Variants in CTBP2 observed in about 807,000 individuals in gnomAD.
CTBP2 encodes the protein C-terminal binding protein 2.
In CTBP2, 30 loss-of-function variants were observed where a neutral mutation model predicts 80.3. That is an observed-to-expected ratio of 0.37 (90% CI 0.28 to 0.51). CTBP2 has a LOEUF of 0.51. Ranked by LOEUF, CTBP2 falls within the 20% of genes least tolerant of loss-of-function variation. CTBP2 has a pLI of 0.93. For missense variants in CTBP2, 1,212 were observed against 1,375.3 expected (o/e 0.88, Z 1.88); for synonymous variants, 594 against 587.4 (o/e 1.01, Z -0.16).
At chr10:124,991,329 G>A (rs1952584085) in intron 8 of CTBP2, among the ~76,000 whole-genome samples, 1 of 152,138 alleles carries the variant, frequency 6.6e-6, no homozygotes, top group African/African-American at 2.4e-5. Context: ...CCCTTCCTCA[G>A]TGCACACATA....
chr10:125,153,836 T>A lies in CTBP2; in HGVS notation c.-206+6483A>T, dbSNP rs1860447077. On this transcript the variant is annotated intron_variant, in intron 1 of 10. Transcript: ENST00000337195. ...GTTCCATGACTCCATAATAAAGTTT[T>A]TGTTTGTCCTGGGACGGGACAGATT... Among the ~76,000 whole-genome samples the A allele has an allele frequency of 1.3e-5, 2 of 152,222 alleles. 1 individual carries two copies. Among genetic ancestry groups the A allele is most frequent in the South Asian group, 4.1e-4 (2 of 4,832 alleles).
intron 2 of CTBP2, among the ~76,000 whole-genome samples, chr10:125,096,531 C>T (rs1319101045): frequency 6.6e-6 from 1 of 152,122 alleles, no homozygotes; most frequent in East Asian, 1.9e-4. Context: ...AAACCCCCTC[C>T]CTGCCGAAAC....
chr10:124,997,977 G>A lies in CTBP2; in HGVS notation c.2172C>T (p.Gly724=), dbSNP rs1348855983. The A allele has an allele frequency of 5.0e-6, 8 of 1,612,188 alleles. No homozygotes were observed. Among genetic ancestry groups the A allele is most frequent in the Non-Finnish European group, 6.8e-6 (8 of 1,179,780 alleles). Residue 724 remains glycine, a synonymous_variant, in exon 4 of 9, where the codon GGC becomes GGT. Coordinates refer to ENST00000309035, the MANE Select transcript of CTBP2 (RefSeq NM_022802.3). ...GGTGGCACGTACCAAAGCCAATGAG[G>A]CCCAGCGTCTCCCCACGGATGCGGG... is the stretch of plus-strand genomic sequence containing the variant.
intron 2 of CTBP2, among the ~76,000 whole-genome samples, chr10:125,058,518 G>A (rs931128778): frequency 1.3e-5 from 2 of 152,166 alleles, no homozygotes; most frequent in African/African-American, 4.8e-5. Flanking sequence ...ACGGCCGGGC[G>A]CGGTGGCTTA....
At chr10:125,146,715 G>A (rs952021935) in intron 1 of CTBP2, among the ~76,000 whole-genome samples, 23 of 152,084 alleles carry the variant, frequency 1.5e-4, no homozygotes, top group Admixed American at 2.6e-4. Context: ...GCCATTTCAC[G>A]CACATGACCT....
chr10:125,085,771 G>A (rs1463763366), intron 2 of CTBP2, among the ~76,000 whole-genome samples: 1 of 152,224 alleles, frequency 6.6e-6, no homozygotes, highest in African/African-American at 2.4e-5. Flanking sequence ...TCACTCAAAT[G>A]ATCCCCTTGT....
At chr10:125,099,552 G>A (rs1257555296) in intron 2 of CTBP2, among the ~76,000 whole-genome samples, 2 of 152,266 alleles carry the variant, frequency 1.3e-5, no homozygotes, top group East Asian at 3.9e-4. Flanking sequence ...CCCTTTTCAG[G>A]GGGCAGCTTT....
At chr10:125,075,378 T>C (rs1218560350) in intron 2 of CTBP2, among the ~76,000 whole-genome samples, 7 of 152,302 alleles carry the variant, frequency 4.6e-5, no homozygotes, top group Non-Finnish European at 1.0e-4. Flanking sequence ...TCAATGCTGT[T>C]ATCGTGCGAG....
intron 1 of CTBP2, among the ~76,000 whole-genome samples, chr10:125,114,085 G>A (rs1038498817): frequency 5.3e-5 from 8 of 152,198 alleles, no homozygotes; most frequent in African/African-American, 1.9e-4. Context: ...TTCACCAGGG[G>A]ATATTTTCTT....
chr10:125,062,273 T>TGTTA (rs1465499572), intron 2 of CTBP2, among the ~76,000 whole-genome samples: 1 of 152,186 alleles, frequency 6.6e-6, no homozygotes, highest in Non-Finnish European at 1.5e-5. Flanking sequence ...ACTCAGCAAA[T>TGTTA]GTTAGTCCTT....
At chr10:125,024,769 TGA>T (rs773387041) in intron 1 of CTBP2, among the ~76,000 whole-genome samples, 6 of 152,244 alleles carry the variant, frequency 3.9e-5, no homozygotes, top group Non-Finnish European at 7.3e-5. Context: ...AATGTTTGAC[TGA>T]GAGAGCAGGC....
upstream of CTBP2, chr10:125,032,794 G>C (rs553044289): frequency 6.5e-6 from 1 of 154,990 alleles, no homozygotes; most frequent in South Asian, 2.0e-4. Context: ...AAACGACAGA[G>C]ACATGGACAC....
intron 2 of CTBP2, among the ~76,000 whole-genome samples, chr10:125,056,174 AATAAT>A (rs1245835505): frequency 7.4e-6 from 1 of 135,326 alleles, no homozygotes; most frequent in African/African-American, 2.6e-5. Flanking sequence ...CAAAAATAAA[AATAAT>A]AATAATAATA....
rs1959166531 is a variant in CTBP2, at chr10:125,038,973, A to T, written c.58+24T>A. The stretch of plus-strand genomic sequence containing the variant: ...GAGTGAGGGACTACGTATGTTTGGT[A>T]AAAACCGCCAAACACGCTCTTACCT... On this transcript the variant is annotated intron_variant, in intron 3 of 10. Coordinates refer to the CTBP2 transcript ENST00000337195. 5 of 1,610,638 alleles carry T rather than the reference A, an allele frequency of 3.1e-6. No homozygotes were observed. The South Asian group carries it at 5.5e-5, about 18-fold the overall frequency.
At chr10:125,048,814 A>C (rs1233396055) in intron 2 of CTBP2, among the ~76,000 whole-genome samples, 3 of 152,218 alleles carry the variant, frequency 2.0e-5, no homozygotes, top group Non-Finnish European at 4.4e-5. Flanking sequence ...GCTTTCCATT[A>C]CAAATGACAG....
intron 1 of CTBP2, among the ~76,000 whole-genome samples, chr10:125,153,684 G>C (rs941481304): frequency 6.6e-6 from 1 of 152,144 alleles, no homozygotes; most frequent in Non-Finnish European, 1.5e-5. Flanking sequence ...ATGATTCTTT[G>C]CTAGCCTCAT....
rs1952617701 is a variant in CTBP2 at position 124,991,549 on chromosome 10, C to G, written c.2777+1146G>C. 2.0e-5 allele frequency among the ~76,000 whole-genome samples: 3 copies of G among 152,166 alleles called. No individual in the cohort carries two copies. In the South Asian group the frequency reaches 6.2e-4, roughly 31 times the overall value. Reference sequence around the variant, plus strand: ...ACCGGCATAGCTTCTTCAAGAGTGTCAGAGCCTTCATTACACAAACTGAAT... The same window carrying G: ...ACCGGCATAGCTTCTTCAAGAGTGTGAGAGCCTTCATTACACAAACTGAAT... On this transcript the variant is annotated intron_variant, in intron 8 of 8. Coordinates refer to ENST00000309035, the MANE Select transcript of CTBP2 (RefSeq NM_022802.3).
intron 1 of CTBP2, among the ~76,000 whole-genome samples, chr10:125,126,302 A>G (rs1374609938): frequency 6.6e-6 from 1 of 152,236 alleles, no homozygotes; most frequent in Non-Finnish European, 1.5e-5. Context: ...TTCTAATTCC[A>G]CTTAAAAATA....
rs1957734173 is a variant in CTBP2 at position 125,027,310 on chromosome 10, T to G, written c.450A>C (p.Pro150=). 1 of 1,613,790 alleles carries G rather than the reference T, an allele frequency of 6.2e-7. No individual in the cohort carries two copies. The highest frequency in any genetic ancestry group is 1.3e-5 in the African/African-American group (1 of 75,054). Residue 150 remains proline, a synonymous_variant, in exon 1 of 9, where the codon CCA becomes CCC. Coordinates refer to ENST00000309035, the MANE Select transcript of CTBP2 (RefSeq NM_022802.3). ...GCAGGGCAGGTGACCGGCCTTGCAT[T>G]GGATCCCATGACGTTCTGCTGCCAA... is the stretch of plus-strand genomic sequence containing the variant.
Sources: allele counts gnomAD v4.1 joint callset (sites outside exome capture counted in the v4.1 genomes callset), GRCh38; gene constraint gnomAD v4.1.1; transcripts MANE v1.5; gene names NCBI Gene and HGNC (gene_info 2026-07-23, HGNC 2026-07-21).